Variants in PLD1 observed in about 807,000 individuals in gnomAD.
PLD1 encodes phospholipase D1.
A neutral mutation model predicts 137.1 loss-of-function variants in PLD1; 112 were observed. The ratio of observed to expected loss-of-function variants is 0.82; its 90% CI spans 0.70 to 0.96. The LOEUF (loss-of-function observed/expected upper bound fraction) is 0.96, where lower values mean the gene tolerates loss of function less well. Ranked by LOEUF, PLD1 falls within the 40% of genes least tolerant of loss-of-function variation. The pLI is 0.00. For synonymous variants in PLD1, 431 were observed against 454.7 expected (o/e 0.95, Z 0.66); for missense variants, 1,321 against 1,342.0 (o/e 0.98, Z 0.24).
chr3:171,644,053 C>T (rs1735994641), intron 22 of PLD1, among the ~76,000 whole-genome samples: 2 of 152,138 alleles, frequency 1.3e-5, no homozygotes, highest in South Asian at 2.1e-4. Flanking sequence ...TCTCCACCCC[C>T]GATTTGACCA....
At chr3:171,705,524 A>C (rs1716612841) in intron 11 of PLD1, among the ~76,000 whole-genome samples, 1 of 152,196 alleles carries the variant, frequency 6.6e-6, no homozygotes, top group Non-Finnish European at 1.5e-5. Flanking sequence ...TCCTACAACT[A>C]AATAAGAAGA....
chr3:171,620,167 T>C (rs1016742846), intron 24 of PLD1, among the ~76,000 whole-genome samples: 2 of 152,250 alleles, frequency 1.3e-5, no homozygotes, highest in South Asian at 2.1e-4. Flanking sequence ...ACATCGTATG[T>C]ACCCCATGAA....
At chr3:171,674,156 G>A (rs1713089193) in intron 19 of PLD1, among the ~76,000 whole-genome samples, 1 of 152,180 alleles carries the variant, frequency 6.6e-6, no homozygotes, top group Non-Finnish European at 1.5e-5. Context: ...TAGCTTCCTA[G>A]CTGCTAAGTT....
intron 23 of PLD1, among the ~76,000 whole-genome samples, chr3:171,630,421 G>A (rs1488693587): frequency 7.9e-6 from 1 of 126,260 alleles, no homozygotes; most frequent in African/African-American, 3.7e-5. Flanking sequence ...TGGTGGGACT[G>A]TAAACTAGTT....
At chr3:171,755,471 C>T (rs1720957344) in intron 1 of PLD1, among the ~76,000 whole-genome samples, 2 of 152,176 alleles carry the variant, frequency 1.3e-5, no homozygotes, top group African/African-American at 4.8e-5. Context: ...TGTTCTCACA[C>T]TCCTCTAGTT....
At chr3:171,788,735 C>T (rs999469827) in intron 1 of PLD1, 3 of 152,136 alleles carry the variant, frequency 2.0e-5, no homozygotes, top group African/African-American at 4.8e-5. Flanking sequence ...TGGTTATCTA[C>T]GTTCATAAAA....
At chr3:171,615,520 C>A (rs1733031855) in intron 24 of PLD1, among the ~76,000 whole-genome samples, 1 of 152,188 alleles carries the variant, frequency 6.6e-6, no homozygotes, top group East Asian at 1.9e-4. Context: ...CCCTTCCCTC[C>A]CCAAGAGGAA....
chr3:171,614,147 G>T (rs1017179652), intron 24 of PLD1, among the ~76,000 whole-genome samples: 8 of 152,188 alleles, frequency 5.3e-5, no homozygotes, highest in Non-Finnish European at 1.2e-4. Context: ...GATGACTATG[G>T]ATGTGAGTGT....
intron 1 of PLD1, among the ~76,000 whole-genome samples, chr3:171,779,609 G>A (rs577671269): frequency 5.3e-5 from 8 of 152,368 alleles, no homozygotes; most frequent in African/African-American, 1.7e-4. Flanking sequence ...CCAAGATTCA[G>A]TCCTGGGGTT....
chr3:171,757,836 T>C (rs553335114), intron 1 of PLD1, among the ~76,000 whole-genome samples: 2 of 152,222 alleles, frequency 1.3e-5, no homozygotes, highest in Non-Finnish European at 2.9e-5. Context: ...AGTCAGAACA[T>C]GTTCAATTCA....
intron 1 of PLD1, chr3:171,792,731 C>T (rs1272810546): frequency 2.2e-6 from 1 of 456,542 alleles, no homozygotes; most frequent in Non-Finnish European, 4.4e-6. Context: ...CTGCAGGGCA[C>T]ATACCAGGTT....
At chr3:171,767,858 A>G (rs947340313) in intron 1 of PLD1, among the ~76,000 whole-genome samples, 9 of 152,096 alleles carry the variant, frequency 5.9e-5, no homozygotes, top group Non-Finnish European at 1.0e-4. Flanking sequence ...TGGGAGGCTG[A>G]CTTAAGACCA....
intron 23 of PLD1, among the ~76,000 whole-genome samples, chr3:171,631,110 A>G (rs1578144243): frequency 6.6e-6 from 1 of 152,200 alleles, no homozygotes; most frequent in East Asian, 1.9e-4. Flanking sequence ...AATGAAGTTA[A>G]TAACATAATC....
chr3:171,606,565 C>T (rs1216494875), intron 25 of PLD1, among the ~76,000 whole-genome samples: 1 of 152,106 alleles, frequency 6.6e-6, no homozygotes, highest in Non-Finnish European at 1.5e-5. Context: ...GGAGAAAAGC[C>T]AGAGGATGTG....
chr3:171,612,530 A>G lies in PLD1; in HGVS notation c.2729-98T>C. On this transcript the variant is annotated intron_variant, in intron 24 of 26. Transcript: ENST00000351298. The surrounding 1 kb of genome is among the most constrained non-coding windows in gnomAD (Gnocchi z 4.1). ...ATTCATCCTTGCAAACAAAACCGTA[A>G]TTTTGTCCAGGTTTTCAAGGGAAGA... The G allele has an allele frequency of 8.4e-7, 1 of 1,193,310 alleles. No homozygotes were observed. The highest frequency in any genetic ancestry group is 2.4e-5 in the East Asian group (1 of 42,326). 73.9% of individuals were successfully genotyped at this position (1,193,310 alleles called of 1,614,324 possible).
intron 1 of PLD1, chr3:171,793,081 A>C: frequency 5.4e-6 from 1 of 186,080 alleles, no homozygotes; most frequent in Non-Finnish European, 1.1e-5. Context: ...CATCATTTGA[A>C]CCCTCATGCT....
intron 1 of PLD1, among the ~76,000 whole-genome samples, chr3:171,791,408 G>A (rs1374306974): frequency 1.3e-5 from 2 of 152,134 alleles, no homozygotes; most frequent in African/African-American, 4.8e-5. Flanking sequence ...GGGCTTTCTG[G>A]ATGCTCGTGA....
intron 20 of PLD1, 92 bp from the exon 21 acceptor site, chr3:171,659,393 C>T: frequency 1.1e-6 from 1 of 869,626 alleles, no homozygotes; most frequent in East Asian, 2.5e-5. Context: ...TAAAATGTTT[C>T]ACACAGCAGA....
At chr3:171,683,236 C>G (rs1714191143) in intron 16 of PLD1, among the ~76,000 whole-genome samples, 1 of 152,184 alleles carries the variant, frequency 6.6e-6, no homozygotes, top group Non-Finnish European at 1.5e-5. Flanking sequence ...AATATATTCA[C>G]AACCTGCAGA....
Sources: gnomAD v4.1 joint callset for allele counts (sites outside exome capture counted in the v4.1 genomes callset) on GRCh38, gnomAD v4.1.1 for gene constraint, Gnocchi (gnomAD v3.1) non-coding constraint, MANE v1.5 for transcripts, NCBI Gene and HGNC (gene_info 2026-07-23, HGNC 2026-07-21) for gene names.